Variants in ZNF804B observed in about 807,000 individuals in gnomAD.
The protein encoded by ZNF804B is zinc finger protein 804B.
Under a neutral mutation model 101.4 loss-of-function variants are expected in ZNF804B, and 80 were observed. That is an observed-to-expected ratio of 0.79 (90% confidence interval 0.66 to 0.95). The LOEUF is 0.95. Among genes scored for constraint, ZNF804B ranks in the 40% least tolerant of loss-of-function variants. The pLI is 0.00. For synonymous variants in ZNF804B, 622 were observed against 558.8 expected (o/e 1.11, Z -1.59); for missense variants, 1,673 against 1,561.9 (o/e 1.07, Z -1.20).
At chr7:88,935,809 C>G (rs1162255214) in intron 1 of ZNF804B, among the ~76,000 whole-genome samples, 1 of 151,896 alleles carries the variant, frequency 6.6e-6, no homozygotes, top group Non-Finnish European at 1.5e-5. Context: ...ATTTGGAAGT[C>G]TGTTCAACTA....
Position 88,942,497 on chromosome 7 carries a change from A to AGT in ZNF804B, c.108+182415_108+182416dup, listed in dbSNP as rs1321713936. Reference sequence around the variant, plus strand: ...TATGTTTTGGTATAAAAGATATTTGAGTGAGTGTGTGTGTGTGTGTGTGTG... The same window carrying AGT: ...TATGTTTTGGTATAAAAGATATTTGAGTGTGAGTGTGTGTGTGTGTGTGTGTG... On this transcript the variant is annotated intron_variant, in intron 1 of 3. Coordinates refer to ENST00000333190, the MANE Select transcript of ZNF804B (RefSeq NM_181646.5). Among the ~76,000 whole-genome samples, 410 of 113,204 alleles carry AGT rather than the reference A, an allele frequency of 3.6e-3. 2 individuals are homozygous for AGT. The highest frequency in any genetic ancestry group is 0.013 in the African/African-American group (399 of 31,086). 74.3% of individuals were successfully genotyped at this position (113,204 alleles called of 152,430 possible). A position where few individuals can be genotyped will look rare whatever the true frequency, so the allele number is the denominator to read the frequency against.
intron 1 of ZNF804B, among the ~76,000 whole-genome samples, chr7:89,013,435 G>T (rs1306858744): frequency 6.6e-6 from 1 of 152,134 alleles, no homozygotes; most frequent in Non-Finnish European, 1.5e-5. Context: ...TATACAATGA[G>T]AATCTATTTA....
At chr7:89,250,662 C>A (rs1249836189) in intron 2 of ZNF804B, among the ~76,000 whole-genome samples, 1 of 152,080 alleles carries the variant, frequency 6.6e-6, no homozygotes, top group Non-Finnish European at 1.5e-5. Flanking sequence ...GACCAATATC[C>A]CTGATGAACA....
chr7:89,303,388 C>T (rs970753300), intron 2 of ZNF804B, among the ~76,000 whole-genome samples: 2 of 151,692 alleles, frequency 1.3e-5, no homozygotes, highest in Non-Finnish European at 2.9e-5. Context: ...ATGGCAATGT[C>T]GTGATTCCAA....
intron 2 of ZNF804B, among the ~76,000 whole-genome samples, chr7:89,304,921 A>G (rs1004652073): frequency 6.6e-6 from 1 of 151,998 alleles, no homozygotes; most frequent in Admixed American, 6.6e-5. Context: ...TTCAAAATTG[A>G]AAAAAGAATA....
intron 1 of ZNF804B, among the ~76,000 whole-genome samples, chr7:89,164,310 G>A (rs1791110398): frequency 6.6e-6 from 1 of 151,996 alleles, no homozygotes; most frequent in South Asian, 2.1e-4. Context: ...TCAGCCAATT[G>A]TAGTTATACA....
chr7:89,331,117 T>C (rs978493073), intron 3 of ZNF804B, among the ~76,000 whole-genome samples: 1 of 151,690 alleles, frequency 6.6e-6, no homozygotes, highest in African/African-American at 2.4e-5. Context: ...TTCAACTGTG[T>C]TTCATACAGG....
intron 1 of ZNF804B, among the ~76,000 whole-genome samples, chr7:89,133,765 C>A (rs563037414): frequency 6.6e-6 from 1 of 151,962 alleles, no homozygotes; most frequent in Non-Finnish European, 1.5e-5. Context: ...AAGGTTTCTA[C>A]AAGGAAAATA....
chr7:89,300,537 C>A (rs2115920370), intron 2 of ZNF804B, among the ~76,000 whole-genome samples: 1 of 151,900 alleles, frequency 6.6e-6, no homozygotes, highest in African/African-American at 2.4e-5. Context: ...AAACAGCCTT[C>A]TAAGGAGAAA....
Position 88,793,114 on chromosome 7 carries a change from C to T in ZNF804B, c.108+33030C>T, listed in dbSNP as rs547201922. Among the ~76,000 whole-genome samples, 11 of 152,002 alleles carry T rather than the reference C, an allele frequency of 7.2e-5. No individual in the cohort carries two copies. The South Asian group carries it at 1.2e-3, about 17-fold the overall frequency. On this transcript the variant is annotated intron_variant, in intron 1 of 3. Transcript: ENST00000333190. ...TCTCCATTAACTCCAAAGTTGGTTT[C>T]GTAAGATGTTAAGGTGATTTGGGAC...
At chr7:88,963,290 A>T (rs2116094520) in intron 1 of ZNF804B, among the ~76,000 whole-genome samples, 1 of 151,410 alleles carries the variant, frequency 6.6e-6, no homozygotes, top group South Asian at 2.1e-4. Flanking sequence ...CAGTAATCCA[A>T]ACAGTGTGGT....
intron 1 of ZNF804B, among the ~76,000 whole-genome samples, chr7:88,963,875 C>A (rs1324906068): frequency 6.6e-6 from 1 of 151,284 alleles, no homozygotes; most frequent in East Asian, 2.0e-4. Flanking sequence ...GGATTGAATA[C>A]ACTTTTCTCT....
At chr7:88,808,758 G>C (rs886242382) in intron 1 of ZNF804B, among the ~76,000 whole-genome samples, 2 of 152,144 alleles carry the variant, frequency 1.3e-5, no homozygotes, top group Non-Finnish European at 2.9e-5. Context: ...TTAGTTAAGT[G>C]GTACTGATAG....
intron 1 of ZNF804B, among the ~76,000 whole-genome samples, chr7:88,830,783 T>A (rs941514928): frequency 3.3e-5 from 5 of 151,956 alleles, no homozygotes; most frequent in Non-Finnish European, 5.9e-5. Flanking sequence ...AAATTTTATC[T>A]TCAATGTAGC....
intron 1 of ZNF804B, among the ~76,000 whole-genome samples, chr7:88,986,782 C>T (rs1793764861): frequency 6.6e-6 from 1 of 152,120 alleles, no homozygotes; most frequent in African/African-American, 2.4e-5. Context: ...TATTCCCAAA[C>T]CTAGTCCTGG....
chr7:88,769,010 T>C (rs1375674955), intron 1 of ZNF804B, among the ~76,000 whole-genome samples: 2 of 152,222 alleles, frequency 1.3e-5, no homozygotes, highest in African/African-American at 4.8e-5. Context: ...TTGACATTCA[T>C]TGAGTGTTCA....
chr7:88,920,892 T>C (rs1009664480), intron 1 of ZNF804B, among the ~76,000 whole-genome samples: 3 of 152,160 alleles, frequency 2.0e-5, no homozygotes, highest in Non-Finnish European at 1.5e-5. Context: ...TCATGAGTTA[T>C]GTAAGTATTT....
intron 1 of ZNF804B, among the ~76,000 whole-genome samples, chr7:88,772,018 A>C (rs1040114815): frequency 6.6e-6 from 1 of 152,290 alleles, no homozygotes; most frequent in South Asian, 2.1e-4. Context: ...TAAAATACAA[A>C]TTTTTGTCAC....
At chr7:89,243,345 G>A (rs1337727007) in intron 2 of ZNF804B, among the ~76,000 whole-genome samples, 1 of 151,504 alleles carries the variant, frequency 6.6e-6, no homozygotes, top group Non-Finnish European at 1.5e-5. Flanking sequence ...GAAATAATGG[G>A]GCTTCTCTCT....
Sources: gnomAD v4.1 joint callset for allele counts (sites outside exome capture counted in the v4.1 genomes callset) on GRCh38, gnomAD v4.1.1 for gene constraint, MANE v1.5 for transcripts, NCBI Gene and HGNC (gene_info 2026-07-23, HGNC 2026-07-21) for gene names.